MGAT5: variants seen among roughly 807,000 people sequenced by gnomAD.
MGAT5 encodes alpha-1,6-mannosylglycoprotein 6-beta-N-acetylglucosaminyltransferase A.
A neutral mutation model predicts 94.3 loss-of-function variants in MGAT5; 30 were observed. That is an observed-to-expected ratio of 0.32 (90% CI 0.24 to 0.43). The LOEUF is 0.43. Ranked by LOEUF, MGAT5 falls within the 20% of genes least tolerant of loss-of-function variation. MGAT5 has a pLI of 1.00. For synonymous variants in MGAT5, 310 were observed against 322.9 expected (o/e 0.96, Z 0.43); for missense variants, 691 against 905.5 (o/e 0.76, Z 3.04).
At chr2:134,189,602 G>GTTGTTTTTTTTTTTTTT (rs1689232395) in intron 1 of MGAT5, among the ~76,000 whole-genome samples, 11 of 84,670 alleles carry the variant, frequency 1.3e-4, no homozygotes, top group African/African-American at 5.2e-4. Flanking sequence ...GTTTTTTTTT[G>GTTGTTTTTTTTTTTTTT]TTTTTTTTTT....
At chr2:134,257,965 AAG>A (rs1407121500) in intron 1 of MGAT5, among the ~76,000 whole-genome samples, 2 of 151,724 alleles carry the variant, frequency 1.3e-5, no homozygotes, top group African/African-American at 4.8e-5. Context: ...ATCCAGCAAA[AAG>A]AAGAAAAAAA....
chr2:134,444,607 A>G (rs1685670437), intron 15 of MGAT5, among the ~76,000 whole-genome samples: 1 of 152,266 alleles, frequency 6.6e-6, no homozygotes, highest in South Asian at 2.1e-4. Context: ...ATTAGCAATT[A>G]GCAGTTCCTG....
At chr2:134,359,231 A>T (rs963821141) in intron 9 of MGAT5, among the ~76,000 whole-genome samples, 7 of 152,214 alleles carry the variant, frequency 4.6e-5, no homozygotes, top group Non-Finnish European at 7.3e-5. Flanking sequence ...TCTACCTTAG[A>T]ACATTATTTT....
At chr2:134,156,983 T>C (rs1488627875) in intron 1 of MGAT5, among the ~76,000 whole-genome samples, 2 of 152,180 alleles carry the variant, frequency 1.3e-5, no homozygotes, top group African/African-American at 4.8e-5. Context: ...GGTAAGCTTA[T>C]GGTGTAGGGA....
intron 1 of MGAT5, among the ~76,000 whole-genome samples, chr2:134,198,953 T>C (rs1316786177): frequency 6.6e-6 from 1 of 152,250 alleles, no homozygotes; most frequent in Non-Finnish European, 1.5e-5. Flanking sequence ...ATTTGTGTGT[T>C]GTTACATAGC....
At chr2:134,386,141 G>A (rs568584578) in intron 10 of MGAT5, among the ~76,000 whole-genome samples, 106 of 152,286 alleles carry the variant, frequency 7.0e-4, no homozygotes, top group African/African-American at 2.5e-3. Flanking sequence ...TAAGGTGTGC[G>A]AAATTAGCTT....
In MGAT5 at chr2:134,449,764, A is replaced by G. The variant is rs577724734; in HGVS notation, c.*917A>G. On this transcript the variant is annotated 3_prime_UTR_variant, in exon 16 of 16. Coordinates refer to ENST00000281923, the MANE Select transcript of MGAT5 (RefSeq NM_002410.5). ...TAGAGATGAAAGACTCACGCTGTTCATGGACTTGGAGAGGATTATCTTTGA... is the reference window on the plus strand; with the variant it reads ...TAGAGATGAAAGACTCACGCTGTTCGTGGACTTGGAGAGGATTATCTTTGA... The G allele has an allele frequency of 6.6e-6, 1 of 152,362 alleles. No individual in the cohort carries two copies. Among genetic ancestry groups the G allele is most frequent in the East Asian group, 1.9e-4 (1 of 5,188 alleles). The allele number at this position is 152,362 out of a possible 1,614,324, so 9.4% of individuals were successfully genotyped here.
Position 134,412,807 on chromosome 2 carries a change from C to T in MGAT5, c.1531-62C>T, listed in dbSNP as rs1281567667. On this transcript the variant is annotated intron_variant, in intron 11 of 15. Transcript: ENST00000281923. ...AATCGCCGCCTGCAAGCTAGGAATG[C>T]CCGTCCTGCCTGATGGTCCTGCCTG... The T allele has an allele frequency of 6.3e-6, 10 of 1,585,044 alleles. No homozygotes were observed. In the East Asian group the frequency reaches 2.0e-4, roughly 32 times the overall value.
In MGAT5 at chr2:134,317,560, A is replaced by G; in HGVS notation, c.438A>G (p.Val146=). ...DIINGAQEKC[V]LPPMDGYPHC... Reference sequence around the variant, plus strand: ...TTAACGGAGCTCAAGAAAAATGTGTATTGCCTCCTATGGACGGCTACCCTC... The same window carrying G: ...TTAACGGAGCTCAAGAAAAATGTGTGTTGCCTCCTATGGACGGCTACCCTC... The change falls in exon 3 of 16, where the codon GTA becomes GTG. Residue 146 remains valine (V), a synonymous_variant. Coordinates refer to ENST00000281923, the MANE Select transcript of MGAT5 (RefSeq NM_002410.5). The G allele has an allele frequency of 6.4e-7, 1 of 1,569,842 alleles. No homozygotes were observed. Among genetic ancestry groups the G allele is most frequent in the Middle Eastern group, 1.7e-4 (1 of 5,942 alleles).
At chr2:134,300,024 G>T (rs930766471) in intron 2 of MGAT5, among the ~76,000 whole-genome samples, 1 of 152,158 alleles carries the variant, frequency 6.6e-6, no homozygotes, top group Admixed American at 6.5e-5. Context: ...TGTTGCAGAG[G>T]TTGCTGTTAT....
chr2:134,269,530 A>G (rs1036925795), intron 1 of MGAT5, among the ~76,000 whole-genome samples: 1 of 152,252 alleles, frequency 6.6e-6, no homozygotes, highest in Non-Finnish European at 1.5e-5. Flanking sequence ...CATACAAGTC[A>G]GTATATCTTT....
chr2:134,178,930 G>T (rs1688605909), intron 1 of MGAT5, among the ~76,000 whole-genome samples: 1 of 152,186 alleles, frequency 6.6e-6, no homozygotes, highest in Non-Finnish European at 1.5e-5. Flanking sequence ...GGCAGGTATA[G>T]TCCATCTTCA....
chr2:134,288,718 G>A (rs904726700), intron 2 of MGAT5, among the ~76,000 whole-genome samples: 2 of 152,148 alleles, frequency 1.3e-5, no homozygotes, highest in African/African-American at 4.8e-5. Flanking sequence ...GTATGTGAGT[G>A]TAATACCTCT....
chr2:134,319,474 G>C (rs1326461138), intron 4 of MGAT5, among the ~76,000 whole-genome samples: 1 of 152,028 alleles, frequency 6.6e-6, no homozygotes, highest in Non-Finnish European at 1.5e-5. Context: ...AAAAAAAAAT[G>C]TTATAAGTAA....
intron 2 of MGAT5, among the ~76,000 whole-genome samples, chr2:134,296,852 G>T (rs892116973): frequency 6.6e-6 from 1 of 152,120 alleles, no homozygotes; most frequent in African/African-American, 2.4e-5. Flanking sequence ...ACTATGAAAT[G>T]ACACAACTTT....
intron 12 of MGAT5, among the ~76,000 whole-genome samples, chr2:134,420,433 C>T (rs901476233): frequency 4.6e-5 from 7 of 152,184 alleles, no homozygotes; most frequent in African/African-American, 1.2e-4. Context: ...AGACTGATGA[C>T]GGGCTGCTGC....
intron 7 of MGAT5, among the ~76,000 whole-genome samples, chr2:134,342,709 G>A (rs989316145): frequency 1.2e-4 from 13 of 107,716 alleles, no homozygotes; most frequent in Non-Finnish European, 1.9e-4. Flanking sequence ...GACAGAGCAA[G>A]TCTCTGTCTT....
intron 1 of MGAT5, among the ~76,000 whole-genome samples, chr2:134,133,119 G>T (rs1304299954): frequency 6.6e-6 from 1 of 152,208 alleles, no homozygotes; most frequent in Non-Finnish European, 1.5e-5. Context: ...GAAAGGCAAA[G>T]AAACAGTGAT....
intron 1 of MGAT5, among the ~76,000 whole-genome samples, chr2:134,179,378 C>T (rs1247723286): frequency 6.6e-6 from 1 of 152,162 alleles, no homozygotes; most frequent in Non-Finnish European, 1.5e-5. Context: ...GAATCAGTAA[C>T]ATAAGGTGTC....
Sources: allele counts gnomAD v4.1 joint callset (sites outside exome capture counted in the v4.1 genomes callset), GRCh38; gene constraint gnomAD v4.1.1; transcripts MANE v1.5; gene names NCBI Gene and HGNC (gene_info 2026-07-23, HGNC 2026-07-21).